The following SEPTIN9 variants were observed in gnomAD, a reference collection of about 807,000 sequenced individuals.
SEPTIN9 encodes the protein septin-9.
Under a neutral mutation model 56.6 loss-of-function variants are expected in SEPTIN9, and 13 were observed. The ratio of observed to expected loss-of-function variants is 0.23; its 90% CI spans 0.15 to 0.37. The LOEUF (loss-of-function observed/expected upper bound fraction) is 0.37, where lower values mean the gene tolerates loss of function less well. Ranked by LOEUF, SEPTIN9 falls within the 10% of genes least tolerant of loss-of-function variation. The pLI, the probability that SEPTIN9 is intolerant of heterozygous loss-of-function variation, is 1.00. For synonymous variants in SEPTIN9, 332 were observed against 334.1 expected, an observed-to-expected ratio of 0.99 and a Z score of 0.07; for missense variants, 650 against 823.1, an observed-to-expected ratio of 0.79 and a Z score of 2.57.
intron 2 of SEPTIN9, among the ~76,000 whole-genome samples, chr17:77,351,477 G>T (rs909652218): frequency 1.3e-5 from 2 of 152,186 alleles, no homozygotes; most frequent in Non-Finnish European, 2.9e-5. Context: ...CCTGTCCCGG[G>T]CTCTGGAGGG....
At chr17:77,417,430 C>G (rs578024443) in intron 3 of SEPTIN9, among the ~76,000 whole-genome samples, 1 of 152,286 alleles carries the variant, frequency 6.6e-6, no homozygotes, top group Non-Finnish European at 1.5e-5. Flanking sequence ...GAAGGGGGCC[C>G]TTGCACATAG....
At chr17:77,494,232 A>G (rs1436520617) in intron 10 of SEPTIN9, among the ~76,000 whole-genome samples, 1 of 152,198 alleles carries the variant, frequency 6.6e-6, no homozygotes, top group African/African-American at 2.4e-5. Flanking sequence ...GACCTTGACC[A>G]TGTCTTTGAA....
rs370487237 is a variant in SEPTIN9 at position 77,412,385 on chromosome 17, C to G, written c.721+9682C>G. On this transcript the variant is annotated intron_variant, in intron 3 of 11. Coordinates refer to ENST00000427177, the MANE Select transcript of SEPTIN9 (RefSeq NM_001113491.2). ...CTCTTCGTATGTTATAGGCCAGGGC[C>G]CTGTGTTCTCTTTTCATTTGGAAGG... is the stretch of plus-strand genomic sequence containing the variant. 1.9e-3 allele frequency among the ~76,000 whole-genome samples: 288 copies of G among 152,224 alleles called. 9 individuals are homozygous for G. The South Asian group carries it at 0.05, about 26-fold the overall frequency.
chr17:77,363,311 A>C (rs1006582771), intron 2 of SEPTIN9, among the ~76,000 whole-genome samples: 6 of 150,282 alleles, frequency 4.0e-5, no homozygotes, highest in Non-Finnish European at 8.9e-5. Flanking sequence ...CTCTGACGTG[A>C]TACAATCTCA....
At chr17:77,315,732 T>C (rs2032677902) in intron 2 of SEPTIN9, among the ~76,000 whole-genome samples, 1 of 152,238 alleles carries the variant, frequency 6.6e-6, no homozygotes, top group African/African-American at 2.4e-5. Flanking sequence ...TCGCTCTTCC[T>C]TCCCGCCCTG....
intron 10 of SEPTIN9, chr17:77,493,333 C>T: frequency 1.9e-6 from 1 of 514,374 alleles, no homozygotes; most frequent in Non-Finnish European, 3.5e-6. Flanking sequence ...GGGATGGGGG[C>T]CGCCAAGTTC....
intron 2 of SEPTIN9, chr17:77,397,116 C>T (rs2035743364): frequency 6.5e-6 from 1 of 154,844 alleles, no homozygotes; most frequent in Non-Finnish European, 1.5e-5. Context: ...GCTGCTGGAA[C>T]AAATTACTGG....
At chr17:77,408,252 G>A (rs1324889628) in intron 3 of SEPTIN9, among the ~76,000 whole-genome samples, 1 of 152,224 alleles carries the variant, frequency 6.6e-6, no homozygotes, top group African/African-American at 2.4e-5. Flanking sequence ...GGTGGCTGGG[G>A]GCTGAGCTCT....
At chr17:77,373,353 C>T (rs2034788347) in intron 2 of SEPTIN9, 2 of 1,190,868 alleles carry the variant, frequency 1.7e-6, no homozygotes, top group Non-Finnish European at 2.1e-6. Context: ...TCAGCTGAGC[C>T]AGGGGGCCTA....
chr17:77,338,469 A>T (rs895986548), intron 2 of SEPTIN9, among the ~76,000 whole-genome samples: 3 of 151,814 alleles, frequency 2.0e-5, no homozygotes, highest in Admixed American at 1.3e-4. Flanking sequence ...CCCAGGCTGG[A>T]GTGCAGTGGC....
At position 77,482,353 on chromosome 17, in the gene SEPTIN9, A is replaced by T; in HGVS notation, c.913+18A>T. ...GGTGGTCGGTGAGTCCTCACCTTGCATGCCACTCAACCAATGCCGGAAACC... is the reference window on the plus strand; with the variant it reads ...GGTGGTCGGTGAGTCCTCACCTTGCTTGCCACTCAACCAATGCCGGAAACC... On this transcript the variant is annotated intron_variant, in intron 4 of 11. Transcript: ENST00000427177. 1 of 1,609,172 alleles carries T rather than the reference A, an allele frequency of 6.2e-7. No homozygotes were observed. The highest frequency in any genetic ancestry group is 1.1e-5 in the South Asian group (1 of 91,034).
chr17:77,466,654 G>A (rs571078080), intron 3 of SEPTIN9: 1 of 922,800 alleles, frequency 1.1e-6, no homozygotes, highest in Non-Finnish European at 1.3e-6. Flanking sequence ...GGCACACAGG[G>A]TCGGGGCAGT....
intron 2 of SEPTIN9, among the ~76,000 whole-genome samples, chr17:77,360,069 ATTGC>A (rs1360879319): frequency 6.7e-6 from 1 of 150,318 alleles, no homozygotes. Context: ...AGGCAGGAGA[ATTGC>A]TTGAACCCAG....
intron 3 of SEPTIN9, among the ~76,000 whole-genome samples, chr17:77,403,403 C>T (rs998910255): frequency 2.6e-5 from 4 of 152,146 alleles, no homozygotes; most frequent in African/African-American, 7.2e-5. Context: ...GCCCTTCTGG[C>T]GAGAGGAGAG....
chr17:77,297,329 A>G (rs1194224104), intron 1 of SEPTIN9, among the ~76,000 whole-genome samples: 2 of 152,192 alleles, frequency 1.3e-5, no homozygotes, highest in Non-Finnish European at 2.9e-5. Flanking sequence ...TCCAGGAGAA[A>G]GAGGGAATTC....
intron 2 of SEPTIN9, among the ~76,000 whole-genome samples, chr17:77,351,260 C>T (rs1288149227): frequency 6.8e-6 from 1 of 147,842 alleles, no homozygotes; most frequent in East Asian, 1.9e-4. Context: ...CACACACACA[C>T]ACACACACAC....
intron 3 of SEPTIN9, among the ~76,000 whole-genome samples, chr17:77,470,482 C>G (rs753684212): frequency 2.0e-4 from 30 of 152,074 alleles, no homozygotes; most frequent in Non-Finnish European, 3.1e-4. Flanking sequence ...ACCCACCCAT[C>G]CACTCATCCA....
In SEPTIN9 at chr17:77,313,192, C is replaced by T. The variant is rs1268232387; in HGVS notation, c.76+5995C>T. On this transcript the variant is annotated intron_variant, in intron 2 of 11. Coordinates refer to ENST00000427177, the MANE Select transcript of SEPTIN9 (RefSeq NM_001113491.2). The surrounding 1 kb of genome is among the most constrained non-coding windows in gnomAD (Gnocchi z 4.5). ...CCTTGGCCTCTGCACCCCCAGACCTCCCTCGCTCTGCAGGGGCAGTCGGGG... is the reference window on the plus strand; with the variant it reads ...CCTTGGCCTCTGCACCCCCAGACCTTCCTCGCTCTGCAGGGGCAGTCGGGG... Among the ~76,000 whole-genome samples the T allele has an allele frequency of 1.3e-5, 2 of 152,276 alleles. No individual in the cohort carries two copies. The highest frequency in any genetic ancestry group is 2.9e-5 in the Non-Finnish European group (2 of 68,050).
intron 3 of SEPTIN9, among the ~76,000 whole-genome samples, chr17:77,441,847 G>A (rs1598380751): frequency 6.6e-6 from 1 of 152,332 alleles, no homozygotes; most frequent in Non-Finnish European, 1.5e-5. Flanking sequence ...CAGGCAGTCT[G>A]TCCTGCTTTC....
Sources: allele counts gnomAD v4.1 joint callset (sites outside exome capture counted in the v4.1 genomes callset), GRCh38; gene constraint gnomAD v4.1.1; non-coding constraint Gnocchi (gnomAD v3.1); transcripts MANE v1.5; gene names NCBI Gene and HGNC (gene_info 2026-07-23, HGNC 2026-07-21).